PARP16: variants seen among roughly 807,000 people sequenced by gnomAD.
The protein encoded by PARP16 is poly(ADP-ribose) polymerase family member 16.
In PARP16, 31 loss-of-function variants were observed where a neutral mutation model predicts 35.0. That is an observed-to-expected ratio of 0.88 (90% CI 0.66 to 1.19). PARP16 has a LOEUF of 1.19. PARP16 is among the 50% of genes most tolerant of loss of function. PARP16 has a pLI of 0.00. For missense variants in PARP16, 424 were observed against 411.2 expected (o/e 1.03, Z -0.27); for synonymous variants, 162 against 169.5 (o/e 0.96, Z 0.34).
At chr15:65,250,264 C>T (rs535972118) in intron 2 of PARP16, among the ~76,000 whole-genome samples, 92 of 151,598 alleles carry the variant, frequency 6.1e-4, no homozygotes, top group African/African-American at 2.0e-3. Context: ...ATTACAGGCG[C>T]GCGCCACCAT....
chr15:65,236,023 A>AT (rs1048173865), intron 3 of PARP16, among the ~76,000 whole-genome samples: 26 of 151,532 alleles, frequency 1.7e-4, no homozygotes, highest in Non-Finnish European at 3.1e-4. Flanking sequence ...ATGCCCAGCT[A>AT]TTTTTTTGTA....
At chr15:65,274,746 T>C (rs886946710) in intron 1 of PARP16, among the ~76,000 whole-genome samples, 43 of 152,258 alleles carry the variant, frequency 2.8e-4, no homozygotes, top group African/African-American at 9.4e-4. Flanking sequence ...CCTGTGCTTA[T>C]AGGAGGAGGC....
chr15:65,244,189 C>T (rs1416101893), intron 3 of PARP16, among the ~76,000 whole-genome samples: 1 of 152,094 alleles, frequency 6.6e-6, no homozygotes, highest in Non-Finnish European at 1.5e-5. Context: ...TTGTTATATC[C>T]AGGGGATGGC....
chr15:65,260,047 A>G lies in PARP16; in HGVS notation c.834-505T>C, dbSNP rs115058584. ...GAAAGGAATGGAATTTTCAAGGATA[A>G]AAAGTTAGATGATTTTAAACCAAAG... On this transcript the variant is annotated intron_variant, in intron 5 of 5. Coordinates refer to ENST00000649807, the MANE Select transcript of PARP16 (RefSeq NM_001316943.2). Among the ~76,000 whole-genome samples, 1,388 of 152,292 alleles carry G rather than the reference A, an allele frequency of 9.1e-3. 20 individuals are homozygous for G. Among genetic ancestry groups the G allele is most frequent in the African/African-American group, 0.032 (1,332 of 41,558 alleles).
intron 3 of PARP16, among the ~76,000 whole-genome samples, chr15:65,247,365 A>G (rs1300446695): frequency 6.6e-6 from 1 of 152,186 alleles, no homozygotes; most frequent in East Asian, 1.9e-4. Context: ...AAATAACTCC[A>G]AAGGACACAA....
intron 3 of PARP16, among the ~76,000 whole-genome samples, chr15:65,244,150 T>C (rs992800560): frequency 6.6e-6 from 1 of 152,206 alleles, no homozygotes; most frequent in African/African-American, 2.4e-5. Flanking sequence ...AGGTCTCAGA[T>C]AATGTGTCAG....
intron 2 of PARP16, among the ~76,000 whole-genome samples, chr15:65,250,338 G>C (rs1010826759): frequency 6.6e-6 from 1 of 151,250 alleles, no homozygotes; most frequent in African/African-American, 2.4e-5. Flanking sequence ...GGCTGGTCTC[G>C]AACTCCTGAC....
At chr15:65,236,607 C>T (rs181993462) in intron 3 of PARP16, among the ~76,000 whole-genome samples, 101 of 152,332 alleles carry the variant, frequency 6.6e-4, no homozygotes, top group Admixed American at 1.3e-3. Context: ...GAAACAAGAC[C>T]GCAGTGGTGG....
chr15:65,233,538 C>G (rs1422607532), downstream of PARP16, among the ~76,000 whole-genome samples: 1 of 152,144 alleles, frequency 6.6e-6, no homozygotes, highest in East Asian at 1.9e-4. Context: ...CAGTTCGAGA[C>G]CAACCTGGCC....
At chr15:65,266,829 T>A in intron 2 of PARP16, 61 bp from the exon 3 acceptor site, 1 of 1,228,848 alleles carries the variant, frequency 8.1e-7, no homozygotes, top group Non-Finnish European at 1.2e-6. Context: ...GCTGCAAAAA[T>A]AGCCCCCTAA....
chr15:65,240,290 T>C (rs1208701844), intron 3 of PARP16, among the ~76,000 whole-genome samples: 1 of 127,874 alleles, frequency 7.8e-6, no homozygotes, highest in Non-Finnish European at 1.7e-5. Context: ...CCACCACGCC[T>C]GGCTAGTGTG....
chr15:65,263,393 G>T (rs1422357206), intron 3 of PARP16, 73 bp from the exon 4 acceptor site: 5 of 1,289,758 alleles, frequency 3.9e-6, no homozygotes, highest in Non-Finnish European at 5.4e-6. Context: ...GACGACACAG[G>T]TCTCTCTTCA....
chr15:65,240,729 G>A (rs982089354), intron 3 of PARP16, among the ~76,000 whole-genome samples: 2 of 152,136 alleles, frequency 1.3e-5, no homozygotes, highest in Non-Finnish European at 2.9e-5. Flanking sequence ...ATAGGTCTTT[G>A]TATGAGCTTC....
At chr15:65,284,063 T>C (rs938096297) in intron 1 of PARP16, among the ~76,000 whole-genome samples, 4 of 152,138 alleles carry the variant, frequency 2.6e-5, no homozygotes, top group African/African-American at 9.7e-5. Context: ...CTCAACCTCC[T>C]AGGAATGATA....
chr15:65,267,127 G>C (rs986737155), intron 2 of PARP16, among the ~76,000 whole-genome samples: 2 of 152,044 alleles, frequency 1.3e-5, no homozygotes, highest in African/African-American at 2.4e-5. Context: ...TTTAGTCCCA[G>C]CTACTTAGGA....
In PARP16 at chr15:65,286,671, G is replaced by A. The variant is rs2090608997; in HGVS notation, c.-245C>T. 4.5e-6 allele frequency: 2 copies of A among 440,866 alleles called. No homozygotes were observed. Among genetic ancestry groups the A allele is most frequent in the Non-Finnish European group, 8.0e-6 (2 of 249,212 alleles). 27.3% of individuals were successfully genotyped at this position (440,866 alleles called of 1,614,324 possible). On this transcript the variant is annotated 5_prime_UTR_variant, in exon 1 of 6. Coordinates refer to ENST00000649807, the MANE Select transcript of PARP16 (RefSeq NM_001316943.2). The stretch of plus-strand genomic sequence containing the variant: ...ACCGAGGCCTGGACCGCGGGTCGGC[G>A]GGGAGGTTGGGCCCAGGGATAAAGG...
At chr15:65,275,811 C>T (rs982689809) in intron 1 of PARP16, among the ~76,000 whole-genome samples, 1 of 152,198 alleles carries the variant, frequency 6.6e-6, no homozygotes, top group African/African-American at 2.4e-5. Context: ...GGGCACTCAT[C>T]CCCCTTCCTT....
At chr15:65,262,134 CTTTTTTTT>C (rs958810685) in intron 4 of PARP16, among the ~76,000 whole-genome samples, 1 of 132,256 alleles carries the variant, frequency 7.6e-6, no homozygotes, top group Non-Finnish European at 1.6e-5. Context: ...TTTTTTCTTT[CTTTTTTTT>C]TTTTTTTTTG....
At chr15:65,266,509 T>TC in intron 3 of PARP16, 53 bp downstream of exon 3, 1 of 1,474,644 alleles carries the variant, frequency 6.8e-7, no homozygotes, top group Non-Finnish European at 9.5e-7. Flanking sequence ...CTCCCCACTC[T>TC]CCCACCTCCA....
Sources: allele counts gnomAD v4.1 joint callset (sites outside exome capture counted in the v4.1 genomes callset), GRCh38; gene constraint gnomAD v4.1.1; transcripts MANE v1.5; gene names NCBI Gene and HGNC (gene_info 2026-07-23, HGNC 2026-07-21).